Variants in SLC39A11 observed in about 807,000 individuals in gnomAD.
SLC39A11 encodes the protein zinc transporter ZIP11.
Under a neutral mutation model 36.1 loss-of-function variants are expected in SLC39A11, and 33 were observed. The ratio of observed to expected loss-of-function variants is 0.91; its 90% CI spans 0.69 to 1.22. SLC39A11 has a LOEUF of 1.22. Ranked by LOEUF, SLC39A11 falls within the 50% of genes most tolerant of loss-of-function variation. SLC39A11 has a pLI of 0.00. For synonymous variants in SLC39A11, 166 were observed against 170.3 expected (o/e 0.97, Z 0.20); for missense variants, 432 against 430.3 (o/e 1.00, Z -0.03).
chr17:72,813,876 G>A (rs1254803622), intron 6 of SLC39A11, among the ~76,000 whole-genome samples: 4 of 152,192 alleles, frequency 2.6e-5, no homozygotes, highest in South Asian at 4.1e-4. Context: ...GTCTACCTCC[G>A]TAAGAGTGCT....
Position 72,963,121 on chromosome 17 carries a change from G to A in SLC39A11, c.307-15246C>T, listed in dbSNP as rs1206155233. Among the ~76,000 whole-genome samples the A allele has an allele frequency of 2.0e-5, 3 of 151,784 alleles. No individual in the cohort carries two copies. The East Asian group carries it at 5.8e-4, about 29-fold the overall frequency. ...GGGACTTAATTCCCATCACAGGGAG[G>A]GGCTTCTAGGGCACACACACCATGG... is the stretch of plus-strand genomic sequence containing the variant. On this transcript the variant is annotated intron_variant, in intron 4 of 9. Coordinates refer to ENST00000255559, the MANE Select transcript of SLC39A11 (RefSeq NM_139177.4).
chr17:73,060,321 G>A (rs2059804661), intron 3 of SLC39A11, among the ~76,000 whole-genome samples: 1 of 149,830 alleles, frequency 6.7e-6, no homozygotes, highest in Admixed American at 6.6e-5. Flanking sequence ...AGGAAATGAA[G>A]ACTGCGTTCT....
chr17:72,871,869 G>A (rs1311714352), intron 5 of SLC39A11, among the ~76,000 whole-genome samples: 1 of 152,214 alleles, frequency 6.6e-6, no homozygotes, highest in Non-Finnish European at 1.5e-5. Context: ...GCCTGGATCT[G>A]TAATTGTTGT....
At chr17:73,085,400 C>T (rs1416046326) in intron 2 of SLC39A11, among the ~76,000 whole-genome samples, 2 of 152,004 alleles carry the variant, frequency 1.3e-5, no homozygotes, top group African/African-American at 4.8e-5. Flanking sequence ...AATCCCAGCA[C>T]TTTGCGAGGC....
chr17:72,869,208 G>C (rs1048363629), intron 5 of SLC39A11, among the ~76,000 whole-genome samples: 55 of 152,310 alleles, frequency 3.6e-4, no homozygotes, highest in Non-Finnish European at 8.8e-5. Context: ...AAAGTAACAA[G>C]AAGCCCAGAG....
intron 6 of SLC39A11, among the ~76,000 whole-genome samples, chr17:72,825,461 T>G (rs1461515936): frequency 6.6e-6 from 1 of 152,212 alleles, no homozygotes; most frequent in Non-Finnish European, 1.5e-5. Flanking sequence ...ACTAGGGCAG[T>G]GCAGAGGAGA....
intron 5 of SLC39A11, among the ~76,000 whole-genome samples, chr17:72,938,957 T>A (rs2084928177): frequency 1.3e-5 from 2 of 152,200 alleles, no homozygotes; most frequent in Admixed American, 6.5e-5. Flanking sequence ...TCCAGATGAA[T>A]TAAGTGGACT....
chr17:72,994,525 G>C (rs1420427921), intron 4 of SLC39A11, among the ~76,000 whole-genome samples: 1 of 152,160 alleles, frequency 6.6e-6, no homozygotes, highest in Non-Finnish European at 1.5e-5. Flanking sequence ...TCTTGGCATG[G>C]TGGCGGTTAC....
Position 72,713,101 on chromosome 17 carries a change from G to C in SLC39A11, c.671+23549C>G, listed in dbSNP as rs112224053. The C allele has an allele frequency of 2.8e-3, 431 of 152,630 alleles. 2 individuals are homozygous for C. The highest frequency in any genetic ancestry group is 5.0e-3 in the Non-Finnish European group (339 of 68,280). 9.5% of individuals were successfully genotyped at this position (152,630 alleles called of 1,614,324 possible). On this transcript the variant is annotated intron_variant, in intron 7 of 9. Coordinates refer to ENST00000255559, the MANE Select transcript of SLC39A11 (RefSeq NM_139177.4). ...AGGTACAGGGGAAGGTAAACAGGAA[G>C]AAGCAGGTTCGAGCAGGCAAGACAT... is the stretch of plus-strand genomic sequence containing the variant.
At chr17:72,724,802 T>TA (rs35176237) in intron 7 of SLC39A11, among the ~76,000 whole-genome samples, 53,291 of 144,236 alleles carry the variant, frequency 0.37, 10,584 homozygotes, top group Middle Eastern at 0.49. Flanking sequence ...GCTCAACTGC[T>TA]AAAAAAAAAA....
intron 7 of SLC39A11, among the ~76,000 whole-genome samples, chr17:72,681,507 A>T (rs1567940314): frequency 6.6e-6 from 1 of 152,126 alleles, no homozygotes; most frequent in Non-Finnish European, 1.5e-5. Context: ...GAAGTCACGA[A>T]TTGCATTCTC....
chr17:72,662,433 AAAAG>A (rs911497289), intron 7 of SLC39A11, among the ~76,000 whole-genome samples: 4 of 149,598 alleles, frequency 2.7e-5, no homozygotes, highest in Non-Finnish European at 5.9e-5. Context: ...GAAAGAAAGA[AAAAG>A]AAAGAAAAGA....
chr17:72,719,084 CA>C (rs34226537), intron 7 of SLC39A11, among the ~76,000 whole-genome samples: 67,136 of 145,628 alleles, frequency 0.46, 17,671 homozygotes, highest in African/African-American at 0.76. Flanking sequence ...ACTAAAAATA[CA>C]AAAAAAAAAA....
At chr17:72,953,676 G>A (rs960970563) in intron 4 of SLC39A11, among the ~76,000 whole-genome samples, 2 of 152,212 alleles carry the variant, frequency 1.3e-5, no homozygotes, top group African/African-American at 4.8e-5. Context: ...AGCACGTTGG[G>A]TGTCATAGAA....
chr17:72,928,405 C>A (rs548358258), intron 5 of SLC39A11, among the ~76,000 whole-genome samples: 6 of 152,292 alleles, frequency 3.9e-5, no homozygotes, highest in Non-Finnish European at 5.9e-5. Context: ...CACCTGCCAG[C>A]AAACAAGAAA....
intron 5 of SLC39A11, among the ~76,000 whole-genome samples, chr17:72,907,440 A>T (rs1024847597): frequency 1.3e-5 from 2 of 152,300 alleles, no homozygotes; most frequent in East Asian, 3.9e-4. Context: ...CAGTGAGCCG[A>T]TATCACACCA....
At chr17:72,791,046 G>A (rs2076684545) in intron 6 of SLC39A11, among the ~76,000 whole-genome samples, 3 of 152,154 alleles carry the variant, frequency 2.0e-5, no homozygotes, top group Admixed American at 2.0e-4. Context: ...AGCAGCATCG[G>A]CATTGCCTAG....
At chr17:72,860,837 C>A (rs534683773) in intron 5 of SLC39A11, among the ~76,000 whole-genome samples, 2 of 152,252 alleles carry the variant, frequency 1.3e-5, no homozygotes, top group Non-Finnish European at 2.9e-5. Context: ...TGCATCAGGG[C>A]GACCATTTCC....
chr17:72,912,312 G>A (rs539177064), intron 5 of SLC39A11, among the ~76,000 whole-genome samples: 11 of 152,124 alleles, frequency 7.2e-5, no homozygotes, highest in South Asian at 2.1e-4. Context: ...CCAAGCAGGA[G>A]GCATTACAAC....
Sources: allele counts gnomAD v4.1 joint callset (sites outside exome capture counted in the v4.1 genomes callset), GRCh38; gene constraint gnomAD v4.1.1; transcripts MANE v1.5; gene names NCBI Gene and HGNC (gene_info 2026-07-23, HGNC 2026-07-21).